Variants in ARIH2 observed in about 807,000 individuals in gnomAD.
The protein encoded by ARIH2 is E3 ubiquitin-protein ligase ARIH2.
In ARIH2, 12 loss-of-function variants were observed where a neutral mutation model predicts 79.8. The observed-to-expected ratio is 0.15, with a 90% CI of 0.10 to 0.24. The LOEUF is 0.24. Ranked by LOEUF, ARIH2 falls within the 10% of genes least tolerant of loss-of-function variation. The pLI, the probability that ARIH2 is intolerant of heterozygous loss-of-function variation, is 1.00. For synonymous variants in ARIH2, 224 were observed against 213.9 expected, an observed-to-expected ratio of 1.05 and a Z score of -0.41; for missense variants, 301 against 618.3, an observed-to-expected ratio of 0.49 and a Z score of 5.44.
intron 2 of ARIH2, chr3:48,926,974 T>C (rs1456412471): frequency 6.5e-6 from 1 of 153,860 alleles, no homozygotes; most frequent in East Asian, 1.9e-4. Context: ...CTAAAAGTAA[T>C]GTCTGTGAAA....
At chr3:48,959,355 C>T (rs1408311302) in intron 3 of ARIH2, among the ~76,000 whole-genome samples, 1 of 150,772 alleles carries the variant, frequency 6.6e-6, no homozygotes, top group Non-Finnish European at 1.5e-5. Flanking sequence ...AATAAAAAAG[C>T]TGTTTGTATC....
At chr3:48,927,415 C>G in intron 2 of ARIH2, 47 bp from the exon 3 acceptor site, 1 of 1,026,970 alleles carries the variant, frequency 9.7e-7, no homozygotes, top group African/African-American at 1.6e-5. Context: ...TCTGTTACAA[C>G]TTGTCATGGG....
intron 11 of ARIH2, among the ~76,000 whole-genome samples, chr3:48,978,061 C>G (rs1057333366): frequency 6.6e-6 from 1 of 152,020 alleles, no homozygotes; most frequent in African/African-American, 2.4e-5. Context: ...TCTAGACAAC[C>G]AGGAGGACTT....
chr3:48,939,497 C>T (rs1265969805), intron 3 of ARIH2, among the ~76,000 whole-genome samples: 1 of 151,862 alleles, frequency 6.6e-6, no homozygotes, highest in African/African-American at 2.4e-5. Context: ...GTGACTCACG[C>T]CTGTAATCCC....
chr3:48,951,550 C>T (rs2089958367), intron 3 of ARIH2, among the ~76,000 whole-genome samples: 1 of 152,042 alleles, frequency 6.6e-6, no homozygotes, highest in Non-Finnish European at 1.5e-5. Flanking sequence ...AGTAAAATCC[C>T]TGGGCCTGGA....
intron 9 of ARIH2, 59 bp downstream of exon 9, chr3:48,973,875 G>A: frequency 1.5e-6 from 2 of 1,324,216 alleles, no homozygotes; most frequent in Non-Finnish European, 2.2e-6. Flanking sequence ...CCAGGGCCTT[G>A]CCTTGGAGAT....
In ARIH2 at chr3:48,968,667, C is replaced by CT; in HGVS notation, c.660+15dup. The CT allele has an allele frequency of 6.2e-7, 1 of 1,603,824 alleles. No homozygotes were observed. ...GGGACTATGTGGAGGTATGGCCAGCCTTTGTTCTGCCCTCTGTCTTCCCGG... is the reference window on the plus strand; with the variant it reads ...GGGACTATGTGGAGGTATGGCCAGCCTTTTGTTCTGCCCTCTGTCTTCCCGG... On this transcript the variant is annotated intron_variant, in intron 7 of 15. Transcript: ENST00000356401.
At chr3:48,956,494 G>A (rs1307219386) in intron 3 of ARIH2, among the ~76,000 whole-genome samples, 1 of 102,234 alleles carries the variant, frequency 9.8e-6, no homozygotes, top group Non-Finnish European at 1.8e-5. Flanking sequence ...GTTTTGCTGT[G>A]TTGCCAGGCT....
At position 48,954,542 on chromosome 3, in the gene ARIH2, GC is replaced by G. The variant is rs1377773496; in HGVS notation, c.256-7069del. 2.6e-5 allele frequency among the ~76,000 whole-genome samples: 4 copies of G among 152,282 alleles called. No individual in the cohort carries two copies. In the East Asian group the frequency reaches 7.7e-4, roughly 29 times the overall value. On this transcript the variant is annotated intron_variant, in intron 3 of 15. Coordinates refer to ENST00000356401, the MANE Select transcript of ARIH2 (RefSeq NM_006321.4). The stretch of plus-strand genomic sequence containing the variant: ...TCCTGCCACCTTGGCATCCCAAAGT[GC>G]TGAGATTACAGGCTTGAGCCACCAC...
intron 3 of ARIH2, among the ~76,000 whole-genome samples, chr3:48,929,813 T>A (rs2086135152): frequency 6.6e-6 from 1 of 152,200 alleles, no homozygotes; most frequent in Admixed American, 6.5e-5. Context: ...TAGCAGCTGC[T>A]GCTGTGGGTG....
At chr3:48,931,915 A>G (rs1231454676) in intron 3 of ARIH2, among the ~76,000 whole-genome samples, 1 of 152,166 alleles carries the variant, frequency 6.6e-6, no homozygotes, top group Non-Finnish European at 1.5e-5. Context: ...AGGCTGAGGC[A>G]GGAGAATGGC....
At chr3:48,941,567 T>C (rs774711653) in intron 3 of ARIH2, among the ~76,000 whole-genome samples, 1 of 151,944 alleles carries the variant, frequency 6.6e-6, no homozygotes, top group Non-Finnish European at 1.5e-5. Context: ...TTATGTTTTA[T>C]GAACTATTGA....
chr3:48,921,187 C>G (rs1212098625), intron 1 of ARIH2, among the ~76,000 whole-genome samples: 1 of 78,802 alleles, frequency 1.3e-5, no homozygotes, highest in African/African-American at 3.9e-5. Context: ...GAACTCTTGA[C>G]CTTGTGATCT....
At chr3:48,977,860 C>T (rs1474684384) in intron 11 of ARIH2, among the ~76,000 whole-genome samples, 1 of 152,162 alleles carries the variant, frequency 6.6e-6, no homozygotes, top group African/African-American at 2.4e-5. Context: ...AATTGAACAA[C>T]CTCTGGGTCT....
chr3:48,957,843 G>A (rs2090776175), intron 3 of ARIH2, among the ~76,000 whole-genome samples: 1 of 152,116 alleles, frequency 6.6e-6, no homozygotes, highest in African/African-American at 2.4e-5. Context: ...AACTTCCCGA[G>A]TAGCTGGGAC....
At chr3:48,961,566 A>G (rs1214372692) in intron 3 of ARIH2, 46 bp from the exon 4 acceptor site, 2 of 1,242,820 alleles carry the variant, frequency 1.6e-6, no homozygotes, top group African/African-American at 3.0e-5. Flanking sequence ...AACACTTTAA[A>G]AGAAAATGCA....
At chr3:48,922,852 A>G (rs1005267954) in intron 2 of ARIH2, 41 bp downstream of exon 2, 1 of 152,178 alleles carries the variant, frequency 6.6e-6, no homozygotes, top group East Asian at 1.9e-4. Flanking sequence ...CCTAAAGAAA[A>G]AACACCATCG....
intron 9 of ARIH2, among the ~76,000 whole-genome samples, chr3:48,974,121 A>G (rs1015635241): frequency 3.3e-5 from 5 of 152,210 alleles, no homozygotes; most frequent in African/African-American, 1.2e-4. Context: ...CAGCCCTGAA[A>G]GGGAGGTGGT....
chr3:48,981,346 G>C (rs78962008), intron 13 of ARIH2, among the ~76,000 whole-genome samples: 2 of 151,478 alleles, frequency 1.3e-5, no homozygotes, highest in South Asian at 4.2e-4. Context: ...AAAAAAAAAA[G>C]GTTGTCTTTG....
Sources: allele counts gnomAD v4.1 joint callset (sites outside exome capture counted in the v4.1 genomes callset), GRCh38; gene constraint gnomAD v4.1.1; transcripts MANE v1.5; gene names NCBI Gene and HGNC (gene_info 2026-07-23, HGNC 2026-07-21).